PTPN22: variants seen among roughly 807,000 people sequenced by gnomAD.
PTPN22 encodes the protein protein tyrosine phosphatase non-receptor type 22, also known as tyrosine-protein phosphatase non-receptor type 22.
Under a neutral mutation model 103.3 loss-of-function variants are expected in PTPN22, and 85 were observed. The ratio of observed to expected loss-of-function variants is 0.82; its 90% CI spans 0.69 to 0.99. The LOEUF is 0.99. Among genes scored for constraint, PTPN22 ranks in the 50% least tolerant of loss-of-function variants. The pLI is 0.00. For synonymous variants in PTPN22, 323 were observed against 310.2 expected (o/e 1.04, Z -0.43); for missense variants, 865 against 936.9 (o/e 0.92, Z 1.00).
chr1:113,827,448 T>C (rs1161594340), intron 18 of PTPN22, among the ~76,000 whole-genome samples: 2 of 152,220 alleles, frequency 1.3e-5, no homozygotes, highest in African/African-American at 4.8e-5. Context: ...TATTCCTTTT[T>C]TTAAGTAAAA....
chr1:113,847,247 T>G (rs1312773649), intron 11 of PTPN22, among the ~76,000 whole-genome samples: 1 of 150,960 alleles, frequency 6.6e-6, no homozygotes, highest in African/African-American at 2.4e-5. Context: ...TTTTTTTTTT[T>G]TTTTTGATGA....
chr1:113,850,075 G>C (rs139838522), intron 10 of PTPN22, among the ~76,000 whole-genome samples: 1 of 151,902 alleles, frequency 6.6e-6, no homozygotes, highest in Non-Finnish European at 1.5e-5. Context: ...TGCGTGCCTG[G>C]AGTCCCACCT....
chr1:113,838,146 G>T, exon 13 of PTPN22: 2 of 1,614,112 alleles, frequency 1.2e-6, no homozygotes, highest in Non-Finnish European at 8.5e-7. Context: ...ACAAAAGAGA[G>T]CCCAAATCCA....
exon 20 of PTPN22, chr1:113,819,596 G>A: frequency 1.2e-6 from 2 of 1,607,000 alleles, no homozygotes; most frequent in Non-Finnish European, 1.7e-6. Context: ...GAAATGAGCT[G>A]GAGTTATTTG....
chr1:113,831,231 G>T (rs1292059566), intron 16 of PTPN22, among the ~76,000 whole-genome samples: 1 of 152,108 alleles, frequency 6.6e-6, no homozygotes, highest in African/African-American at 2.4e-5. Flanking sequence ...AACTTTGGGT[G>T]TAAATTCCTC....
At chr1:113,869,148 G>A (rs1374392321) in intron 1 of PTPN22, among the ~76,000 whole-genome samples, 2 of 152,096 alleles carry the variant, frequency 1.3e-5, no homozygotes, top group African/African-American at 4.8e-5. Flanking sequence ...CCAGGGAGGT[G>A]GAGGCTGCAG....
At chr1:113,815,924 C>G (rs1371502456) in intron 20 of PTPN22, among the ~76,000 whole-genome samples, 1 of 152,174 alleles carries the variant, frequency 6.6e-6, no homozygotes, top group East Asian at 1.9e-4. Context: ...AGTGATCCAC[C>G]CACCTTGGCC....
chr1:113,822,583 C>G (rs1661701561), intron 19 of PTPN22, among the ~76,000 whole-genome samples: 1 of 152,104 alleles, frequency 6.6e-6, no homozygotes, highest in Non-Finnish European at 1.5e-5. Context: ...AGATTTTGTT[C>G]CCTCTATCTG....
intron 13 of PTPN22, among the ~76,000 whole-genome samples, chr1:113,835,723 C>CATAAAGAT (rs1161289229): frequency 5.3e-5 from 8 of 152,010 alleles, no homozygotes; most frequent in African/African-American, 7.2e-5. Context: ...TAGGTAAAAT[C>CATAAAGAT]ATAAAGATTT....
At chr1:113,832,834 A>T (rs888477305) in intron 16 of PTPN22, 1 of 301,912 alleles carries the variant, frequency 3.3e-6, no homozygotes, top group Non-Finnish European at 6.1e-6. Flanking sequence ...GAAAATCTCT[A>T]TAGTGGAAAA....
intron 16 of PTPN22, among the ~76,000 whole-genome samples, chr1:113,830,303 C>T (rs1311493876): frequency 6.6e-6 from 1 of 152,076 alleles, no homozygotes; most frequent in East Asian, 1.9e-4. Context: ...CTAGATCTAA[C>T]ACCCATTTTG....
At chr1:113,815,550 A>G (rs924397273) in intron 20 of PTPN22, 1 of 152,144 alleles carries the variant, frequency 6.6e-6, no homozygotes, top group Admixed American at 6.6e-5. Context: ...GGATGAGAAA[A>G]TTTTTCACAA....
chr1:113,855,004 G>A, exon 8 of PTPN22: 2 of 1,608,474 alleles, frequency 1.2e-6, no homozygotes, highest in Non-Finnish European at 1.7e-6. Flanking sequence ...GGTACATCAT[G>A]GTCTGGCCAA....
chr1:113,862,095 A>G (rs1424002930), intron 1 of PTPN22, among the ~76,000 whole-genome samples: 1 of 152,128 alleles, frequency 6.6e-6, no homozygotes, highest in East Asian at 1.9e-4. Flanking sequence ...CCTGGCCAGC[A>G]TAGTGAAACC....
rs74163649 is a variant in PTPN22 at position 113,854,458 on chromosome 1, G to A, written c.750+13C>T. ...ACTAAGCAAATGGGAAGTGCCTGCT[G>A]AGAGAAACTCACCCCATCTTTTAGC... On this transcript the variant is annotated intron_variant, in intron 9 of 20. Transcript: ENST00000359785. 68 of 1,608,184 alleles carry A rather than the reference G, an allele frequency of 4.2e-5. No individual in the cohort carries two copies. The highest frequency in any genetic ancestry group is 5.7e-5 in the Non-Finnish European group (67 of 1,174,716).
At chr1:113,839,024 G>T (rs915716514) in intron 11 of PTPN22, among the ~76,000 whole-genome samples, 1 of 152,044 alleles carries the variant, frequency 6.6e-6, no homozygotes, top group Non-Finnish European at 1.5e-5. Context: ...CTATGCTCTA[G>T]GTATACTGGT....
intron 1 of PTPN22, among the ~76,000 whole-genome samples, chr1:113,863,733 A>G (rs549095630): frequency 1.3e-4 from 20 of 152,138 alleles, no homozygotes; most frequent in African/African-American, 4.8e-4. Context: ...CCTTTATAGA[A>G]CCAAGATGTA....
exon 2 of PTPN22, chr1:113,859,368 A>G (rs773084371): frequency 3.1e-6 from 5 of 1,611,706 alleles, no homozygotes; most frequent in Middle Eastern, 1.7e-4. Context: ...AAATATCCTT[A>G]TATCTGTTTT....
chr1:113,854,087 C>T (rs1287572832), intron 9 of PTPN22, among the ~76,000 whole-genome samples: 2 of 151,556 alleles, frequency 1.3e-5, no homozygotes, highest in African/African-American at 4.9e-5. Context: ...AAGATGGTCT[C>T]GATCTCCTGA....
Sources: allele counts gnomAD v4.1 joint callset (sites outside exome capture counted in the v4.1 genomes callset), GRCh38; gene constraint gnomAD v4.1.1; transcripts MANE v1.5; gene names NCBI Gene and HGNC (gene_info 2026-07-23, HGNC 2026-07-21).